Variants in ZBTB16 observed in about 807,000 individuals in gnomAD.
The protein encoded by ZBTB16 is zinc finger and BTB domain-containing protein 16.
A neutral mutation model predicts 56.8 loss-of-function variants in ZBTB16; 8 were observed. The ratio of observed to expected loss-of-function variants is 0.14; its 90% confidence interval spans 0.08 to 0.25. The LOEUF is 0.25. Ranked by LOEUF, ZBTB16 falls within the 10% of genes least tolerant of loss-of-function variation. The pLI, the probability that ZBTB16 is intolerant of heterozygous loss-of-function variation, is 1.00. For missense variants in ZBTB16, 625 were observed against 903.0 expected (o/e 0.69, Z 3.95); for synonymous variants, 363 against 368.5 (o/e 0.98, Z 0.17).
chr11:114,170,372 C>T (rs897799418), intron 3 of ZBTB16, among the ~76,000 whole-genome samples: 4 of 152,212 alleles, frequency 2.6e-5, no homozygotes, highest in Non-Finnish European at 2.9e-5. Context: ...CCCACCTCCT[C>T]GGACCACGTG....
At chr11:114,136,068 A>G (rs1333556241) in intron 2 of ZBTB16, among the ~76,000 whole-genome samples, 1 of 152,138 alleles carries the variant, frequency 6.6e-6, no homozygotes, top group Non-Finnish European at 1.5e-5. Flanking sequence ...GGAGGGTTGC[A>G]TGGAATGCCA....
chr11:114,077,663 G>C (rs986977626), intron 2 of ZBTB16, among the ~76,000 whole-genome samples: 1 of 152,178 alleles, frequency 6.6e-6, no homozygotes, highest in African/African-American at 2.4e-5. Context: ...CTCATCAGAC[G>C]TGAAGCCGCC....
At chr11:114,202,609 A>G (rs1943760319) in intron 4 of ZBTB16, among the ~76,000 whole-genome samples, 1 of 152,218 alleles carries the variant, frequency 6.6e-6, no homozygotes, top group African/African-American at 2.4e-5. Flanking sequence ...AATAATATCA[A>G]TATTTTATAG....
At chr11:114,108,095 C>T (rs887477373) in intron 2 of ZBTB16, among the ~76,000 whole-genome samples, 6 of 152,052 alleles carry the variant, frequency 3.9e-5, no homozygotes, top group African/African-American at 1.2e-4. Context: ...GGAGACCATA[C>T]GGCTTTATCA....
chr11:114,085,895 G>A (rs1057116497), intron 2 of ZBTB16, among the ~76,000 whole-genome samples: 3 of 152,296 alleles, frequency 2.0e-5, no homozygotes, highest in East Asian at 1.9e-4. Flanking sequence ...GCACTTGATA[G>A]GGGTTGGATC....
At chr11:114,192,493 A>C (rs1162615932) in intron 4 of ZBTB16, among the ~76,000 whole-genome samples, 1 of 152,218 alleles carries the variant, frequency 6.6e-6, no homozygotes, top group African/African-American at 2.4e-5. Context: ...AACACCAGTC[A>C]GCTGCTGTTA....
intron 4 of ZBTB16, chr11:114,187,471 G>A (rs911254508): frequency 5.2e-5 from 13 of 247,952 alleles, no homozygotes; most frequent in Non-Finnish European, 8.1e-5. Context: ...CTGAGACATT[G>A]TCTAAAATCA....
At chr11:114,156,289 C>G (rs774522698) in intron 2 of ZBTB16, 48 bp from the exon 3 acceptor site, 2 of 1,601,684 alleles carry the variant, frequency 1.2e-6, no homozygotes, top group South Asian at 1.1e-5. Flanking sequence ...GGCCCTGCCT[C>G]TTGTCCAGCC....
chr11:114,062,373 G>C (rs1042840623), intron 1 of ZBTB16, among the ~76,000 whole-genome samples: 1 of 152,206 alleles, frequency 6.6e-6, no homozygotes, highest in Non-Finnish European at 1.5e-5. Flanking sequence ...AAAGTGCTGG[G>C]ATTAGAGGCG....
chr11:114,209,800 G>A, intron 4 of ZBTB16: 1 of 985,418 alleles, frequency 1.0e-6, no homozygotes, highest in Non-Finnish European at 1.2e-6. Context: ...TAGGAAAATG[G>A]GTTCGAGAGA....
At chr11:114,154,678 G>T (rs1565655033) in intron 2 of ZBTB16, among the ~76,000 whole-genome samples, 1 of 152,176 alleles carries the variant, frequency 6.6e-6, no homozygotes, top group Non-Finnish European at 1.5e-5. Context: ...GATCAGCATG[G>T]CAAGGAGCAA....
At chr11:114,075,325 T>C (rs188875337) in intron 2 of ZBTB16, among the ~76,000 whole-genome samples, 15 of 152,228 alleles carry the variant, frequency 9.9e-5, no homozygotes, top group Admixed American at 7.2e-4. Context: ...ATACTGGTGG[T>C]AGAGCAGTGT....
intron 2 of ZBTB16, among the ~76,000 whole-genome samples, chr11:114,099,411 T>A (rs1591664427): frequency 6.6e-6 from 1 of 151,878 alleles, no homozygotes; most frequent in South Asian, 2.1e-4. Flanking sequence ...TAGTTTATAA[T>A]AAGGAAGTGT....
intron 3 of ZBTB16, 126 bp downstream of exon 3, chr11:114,156,560 G>T (rs1942417620): frequency 3.4e-6 from 3 of 893,008 alleles, no homozygotes; most frequent in Non-Finnish European, 5.4e-6. Flanking sequence ...GGTCCATCTT[G>T]TTCCCTGGAC....
At chr11:114,200,648 G>A (rs1398824682) in intron 4 of ZBTB16, among the ~76,000 whole-genome samples, 1 of 152,138 alleles carries the variant, frequency 6.6e-6, no homozygotes, top group Non-Finnish European at 1.5e-5. Context: ...TCACTGGTCT[G>A]AGTTGCCCCT....
At position 114,250,610 on chromosome 11, in the gene ZBTB16, T is replaced by G. The variant is rs1944901582; in HGVS notation, c.*55T>G. The G allele has an allele frequency of 2.6e-6, 4 of 1,556,276 alleles. No homozygotes were observed. The highest frequency in any genetic ancestry group is 1.4e-5 in the African/African-American group (1 of 71,814). ...GGGAGCCAGGAAAGAAGAGTTGGAG[T>G]GAGATGAAGGAAGGACTATGACAAA... On this transcript the variant is annotated 3_prime_UTR_variant, in exon 7 of 7. Coordinates refer to ENST00000335953, the MANE Select transcript of ZBTB16 (RefSeq NM_006006.6). The surrounding 1 kb of genome is among the most constrained non-coding windows in gnomAD (Gnocchi z 6.0).
At chr11:114,166,160 G>A (rs1052314709) in intron 3 of ZBTB16, among the ~76,000 whole-genome samples, 1 of 151,688 alleles carries the variant, frequency 6.6e-6, no homozygotes, top group South Asian at 2.1e-4. Flanking sequence ...GCGTTCTTGG[G>A]GCATAGAACT....
In ZBTB16 at chr11:114,242,024, A is replaced by G. The variant is rs1454354892; in HGVS notation, c.1454-143A>G. Reference sequence around the variant, plus strand: ...CCACATACTGGGTGCTCAGTGTTGCATAGCCTGGGCCCACTCTGGATTTGC... The same window carrying G: ...CCACATACTGGGTGCTCAGTGTTGCGTAGCCTGGGCCCACTCTGGATTTGC... On this transcript the variant is annotated intron_variant, in intron 4 of 6. Coordinates refer to ENST00000335953, the MANE Select transcript of ZBTB16 (RefSeq NM_006006.6). 2.7e-6 allele frequency: 3 copies of G among 1,121,906 alleles called. No homozygotes were observed. The African/African-American group carries it at 4.6e-5, about 17-fold the overall frequency. The allele number at this position is 1,121,906 out of a possible 1,614,324, so 69.5% of individuals were successfully genotyped here.
rs201598089 is a variant in ZBTB16 at position 114,064,581 on chromosome 11, C to G, written c.1268+13C>G. On this transcript the variant is annotated intron_variant, in intron 2 of 6. Coordinates refer to ENST00000335953, the MANE Select transcript of ZBTB16 (RefSeq NM_006006.6). This position sits in a 1 kb window ranked among gnomAD's most constrained non-coding sequence, Gnocchi z 4.2. The stretch of plus-strand genomic sequence containing the variant: ...TGGAGCAGCACAGGTAGGCCCCGCT[C>G]CAGCCCCGCACCTGATGTAGGACTT... The G allele has an allele frequency of 4.0e-5, 64 of 1,613,050 alleles. 1 individual carries two copies. The highest frequency in any genetic ancestry group is 6.7e-5 in the Admixed American group (4 of 60,020).
Sources: gnomAD v4.1 joint callset for allele counts (sites outside exome capture counted in the v4.1 genomes callset) on GRCh38, gnomAD v4.1.1 for gene constraint, Gnocchi (gnomAD v3.1) non-coding constraint, MANE v1.5 for transcripts, NCBI Gene and HGNC (gene_info 2026-07-23, HGNC 2026-07-21) for gene names.